TENM3: variants seen among roughly 807,000 people sequenced by gnomAD.
TENM3 encodes teneurin-3.
In TENM3, 63 loss-of-function variants were observed where a neutral mutation model predicts 255.1. That is an observed-to-expected ratio of 0.25 (90% CI 0.20 to 0.30). TENM3 has a LOEUF of 0.30. TENM3 is among the 10% of genes least tolerant of loss of function. The pLI, the probability that TENM3 is intolerant of heterozygous loss-of-function variation, is 1.00. For synonymous variants in TENM3, 1,306 were observed against 1,322.3 expected (o/e 0.99, Z 0.27); for missense variants, 2,929 against 3,461.1 (o/e 0.85, Z 3.86).
chr4:182,637,695 CA>C (rs1214516998), intron 5 of TENM3, among the ~76,000 whole-genome samples: 1 of 152,120 alleles, frequency 6.6e-6, no homozygotes, highest in Non-Finnish European at 1.5e-5. Flanking sequence ...ACAGAGACAG[CA>C]GTGAAAATAC....
At chr4:181,967,994 C>T in the TENM3 span, among the ~76,000 whole-genome samples, 1 of 152,132 alleles carries the variant, frequency 6.6e-6, no homozygotes, top group East Asian at 1.9e-4. Context: ...TCACTGATCT[C>T]TTCACAGGAA....
chr4:182,099,658 A>G, the TENM3 span, among the ~76,000 whole-genome samples: 1 of 152,182 alleles, frequency 6.6e-6, no homozygotes, highest in East Asian at 1.9e-4. Flanking sequence ...TTGTACTACA[A>G]GGGCATCCTT....
chr4:181,725,750 C>A, the TENM3 span, among the ~76,000 whole-genome samples: 4 of 152,092 alleles, frequency 2.6e-5, no homozygotes, highest in Admixed American at 6.6e-5. Flanking sequence ...CCTTTCAAAC[C>A]ATTTTTTAAT....
At chr4:181,717,123 A>C in the TENM3 span, among the ~76,000 whole-genome samples, 1 of 152,198 alleles carries the variant, frequency 6.6e-6, no homozygotes, top group Non-Finnish European at 1.5e-5. Flanking sequence ...GCTGACTTCT[A>C]AGTAAACAGG....
At chr4:182,478,177 C>T (rs528200540) in intron 3 of TENM3, among the ~76,000 whole-genome samples, 5 of 152,040 alleles carry the variant, frequency 3.3e-5, no homozygotes, top group Non-Finnish European at 5.9e-5. Flanking sequence ...TAATAATCCT[C>T]ATTTGTAGTG....
At chr4:182,090,252 G>A in the TENM3 span, among the ~76,000 whole-genome samples, 1 of 152,298 alleles carries the variant, frequency 6.6e-6, no homozygotes, top group East Asian at 1.9e-4. Context: ...CAGTCTCTGG[G>A]AACATGCAAG....
intron 3 of TENM3, among the ~76,000 whole-genome samples, chr4:182,359,409 T>A (rs1243928937): frequency 6.6e-6 from 1 of 151,138 alleles, no homozygotes; most frequent in Non-Finnish European, 1.5e-5. Flanking sequence ...CTGTTATTGG[T>A]CTATTCAGAG....
chr4:182,081,567 G>A, the TENM3 span, among the ~76,000 whole-genome samples: 1 of 126,900 alleles, frequency 7.9e-6, no homozygotes, highest in Admixed American at 1.0e-4. Flanking sequence ...CTGGGCGACA[G>A]AGTGAGGCTC....
the TENM3 span, among the ~76,000 whole-genome samples, chr4:181,695,289 C>T: frequency 6.6e-6 from 1 of 152,022 alleles, no homozygotes; most frequent in African/African-American, 2.4e-5. Flanking sequence ...TGGAATAATC[C>T]AGAATTTACT....
At chr4:181,566,471 T>A in the TENM3 span, among the ~76,000 whole-genome samples, 3 of 152,202 alleles carry the variant, frequency 2.0e-5, no homozygotes, top group African/African-American at 7.2e-5. Flanking sequence ...GCTCTCTCTG[T>A]AATCAATGAC....
chr4:182,486,366 TAATA>T (rs1406283261), intron 3 of TENM3, among the ~76,000 whole-genome samples: 3 of 151,772 alleles, frequency 2.0e-5, no homozygotes, highest in African/African-American at 4.8e-5. Context: ...TGAGCTACTA[TAATA>T]AATAAACTTT....
At chr4:181,633,954 GGAA>G in the TENM3 span, among the ~76,000 whole-genome samples, 7,647 of 152,148 alleles carry the variant, frequency 0.05, 359 homozygotes, top group African/African-American at 0.12. Context: ...TCAGGGAAAG[GGAA>G]GAAGATCTCC....
intron 3 of TENM3, among the ~76,000 whole-genome samples, chr4:182,536,711 T>C (rs545951568): frequency 5.3e-5 from 8 of 152,346 alleles, no homozygotes; most frequent in African/African-American, 1.9e-4. Context: ...GGTTTAGGCT[T>C]CATTCCTCAG....
the TENM3 span, among the ~76,000 whole-genome samples, chr4:181,770,093 G>A: frequency 6.6e-6 from 1 of 152,178 alleles, no homozygotes; most frequent in Non-Finnish European, 1.5e-5. Context: ...TGAATATGCA[G>A]TTTGGGGCTG....
the TENM3 span, among the ~76,000 whole-genome samples, chr4:182,026,918 T>C: frequency 6.6e-6 from 1 of 152,184 alleles, no homozygotes; most frequent in Non-Finnish European, 1.5e-5. Flanking sequence ...TTATTCTCTT[T>C]GCTTAGGATA....
intron 19 of TENM3, 86 bp downstream of exon 19, chr4:182,743,505 C>T (rs1337824240): frequency 4.1e-5 from 59 of 1,449,076 alleles, no homozygotes; most frequent in Non-Finnish European, 5.5e-5. Context: ...CTGATTTATT[C>T]ATAGAAAAAT....
At chr4:181,907,340 T>C in the TENM3 span, among the ~76,000 whole-genome samples, 1 of 152,166 alleles carries the variant, frequency 6.6e-6, no homozygotes, top group African/African-American at 2.4e-5. Context: ...AGCCAGTCAC[T>C]GCCATGAAGT....
the TENM3 span, among the ~76,000 whole-genome samples, chr4:181,797,155 A>C: frequency 1.3e-5 from 2 of 150,906 alleles, no homozygotes; most frequent in African/African-American, 4.9e-5. Context: ...TTTTTTTTTT[A>C]ATCTTTTTTC....
chr4:182,754,268 T>C lies in TENM3; in HGVS notation c.4018-117T>C. The C allele has an allele frequency of 9.2e-7, 1 of 1,085,490 alleles. No individual in the cohort carries two copies. Among genetic ancestry groups the C allele is most frequent in the East Asian group, 2.6e-5 (1 of 38,144 alleles). 67.2% of individuals were successfully genotyped at this position (1,085,490 alleles called of 1,614,324 possible). On this transcript the variant is annotated intron_variant, in intron 21 of 27. Transcript: ENST00000511685. This position sits in a 1 kb window ranked among gnomAD's most constrained non-coding sequence, Gnocchi z 5.1. ...TTACTGAGGCTATTGAAAAAACTAT[T>C]ATCAGACAGTTTATCTCAGATTAAT...
Sources: allele counts gnomAD v4.1 joint callset (sites outside exome capture counted in the v4.1 genomes callset), GRCh38; gene constraint gnomAD v4.1.1; non-coding constraint Gnocchi (gnomAD v3.1); transcripts MANE v1.5; gene names NCBI Gene and HGNC (gene_info 2026-07-23, HGNC 2026-07-21).